STIM2: variants seen among roughly 807,000 people sequenced by gnomAD.
The protein encoded by STIM2 is stromal interaction molecule 2.
In STIM2, 31 loss-of-function variants were observed where a neutral mutation model predicts 85.8. The ratio of observed to expected loss-of-function variants is 0.36; its 90% CI spans 0.27 to 0.49. The LOEUF is 0.49. Ranked by LOEUF, STIM2 falls within the 20% of genes least tolerant of loss-of-function variation. STIM2 has a pLI of 0.98. For missense variants in STIM2, 841 were observed against 927.6 expected (o/e 0.91, Z 1.21); for synonymous variants, 356 against 331.1 (o/e 1.08, Z -0.82).
At chr4:27,005,474 C>T (rs1031072318) in intron 7 of STIM2, among the ~76,000 whole-genome samples, 2 of 152,140 alleles carry the variant, frequency 1.3e-5, no homozygotes, top group Non-Finnish European at 2.9e-5. Context: ...TTTGTGACAT[C>T]ATGTTTTTAC....
intron 8 of STIM2, chr4:27,008,007 G>T: frequency 1.4e-6 from 1 of 717,288 alleles, no homozygotes; most frequent in Non-Finnish European, 2.6e-6. Context: ...TCTGATTCAG[G>T]TTAGTAGTTA....
rs188532190 is a variant in STIM2, at chr4:26,953,409, A to G, written c.283-4203A>G. On this transcript the variant is annotated intron_variant, in intron 2 of 11. Coordinates refer to ENST00000467087, the MANE Select transcript of STIM2 (RefSeq NM_020860.4). Reference sequence around the variant, plus strand: ...TCTTTGTAACCTTATGTAGTAGACAATTTTATTTTCCTCATTCTACAGAAG... The same window carrying G: ...TCTTTGTAACCTTATGTAGTAGACAGTTTTATTTTCCTCATTCTACAGAAG... Among the ~76,000 whole-genome samples the G allele has an allele frequency of 5.2e-4, 79 of 152,228 alleles. No homozygotes were observed. The East Asian group carries it at 0.013, about 26-fold the overall frequency.
intron 1 of STIM2, among the ~76,000 whole-genome samples, chr4:26,863,660 C>G (rs1722298889): frequency 3.9e-5 from 6 of 152,048 alleles, no homozygotes; most frequent in Admixed American, 3.9e-4. Context: ...TTACAAAATA[C>G]TGTGGTGTGG....
chr4:26,881,025 A>G (rs1397897179), intron 1 of STIM2, among the ~76,000 whole-genome samples: 2 of 152,080 alleles, frequency 1.3e-5, no homozygotes, highest in Admixed American at 6.6e-5. Context: ...TAGTTGTGCT[A>G]TGTTCTGAAT....
intron 1 of STIM2, among the ~76,000 whole-genome samples, chr4:26,910,275 G>T (rs576165457): frequency 2.0e-5 from 3 of 151,962 alleles, no homozygotes. Flanking sequence ...TAATTCCAGC[G>T]CTTTGGGAGG....
intron 3 of STIM2, among the ~76,000 whole-genome samples, chr4:26,984,217 CAACT>C (rs1243570320): frequency 6.6e-6 from 1 of 152,144 alleles, no homozygotes; most frequent in Non-Finnish European, 1.5e-5. Context: ...AATTGAGTTC[CAACT>C]AACTATGTAC....
intron 1 of STIM2, among the ~76,000 whole-genome samples, chr4:26,893,545 C>T (rs962916793): frequency 2.0e-5 from 3 of 152,150 alleles, no homozygotes; most frequent in Non-Finnish European, 4.4e-5. Context: ...TGTAGTTTAT[C>T]CACTTTTCTT....
At chr4:26,951,015 A>G (rs957394547) in intron 2 of STIM2, among the ~76,000 whole-genome samples, 8 of 152,190 alleles carry the variant, frequency 5.3e-5, no homozygotes, top group Admixed American at 3.3e-4. Flanking sequence ...TAAATATCAG[A>G]TAGCTATATT....
intron 3 of STIM2, among the ~76,000 whole-genome samples, chr4:26,981,552 C>A (rs904733397): frequency 6.6e-6 from 1 of 151,940 alleles, no homozygotes; most frequent in African/African-American, 2.4e-5. Context: ...GTCTAGATAC[C>A]CTCCGCTCCC....
intron 2 of STIM2, among the ~76,000 whole-genome samples, chr4:26,921,385 A>G (rs1346426167): frequency 6.6e-6 from 1 of 152,206 alleles, no homozygotes. Flanking sequence ...TTATTATGGC[A>G]GTACTATAAT....
At chr4:26,987,982 GT>G (rs1240096694) in intron 3 of STIM2, among the ~76,000 whole-genome samples, 1 of 152,334 alleles carries the variant, frequency 6.6e-6, no homozygotes, top group African/African-American at 2.4e-5. Context: ...GTTATTCTGT[GT>G]GACCATGTGT....
At chr4:26,973,983 C>G (rs62302537) in intron 3 of STIM2, among the ~76,000 whole-genome samples, 1 of 152,064 alleles carries the variant, frequency 6.6e-6, no homozygotes, top group Non-Finnish European at 1.5e-5. Flanking sequence ...ATCCCTTTAC[C>G]ATTATGTAAC....
At chr4:26,937,139 GT>G in intron 2 of STIM2, among the ~76,000 whole-genome samples, 1 of 152,022 alleles carries the variant, frequency 6.6e-6, no homozygotes, top group South Asian at 2.1e-4. Flanking sequence ...ACTAATGACT[GT>G]TTTAGCCCCT....
intron 1 of STIM2, among the ~76,000 whole-genome samples, chr4:26,881,825 T>A (rs1300476631): frequency 6.6e-6 from 1 of 152,210 alleles, no homozygotes; most frequent in Non-Finnish European, 1.5e-5. Flanking sequence ...TAGTTTTCAG[T>A]TTTTCTTTAA....
intron 7 of STIM2, among the ~76,000 whole-genome samples, chr4:27,006,653 TATG>T (rs1310612812): frequency 5.3e-5 from 8 of 152,240 alleles, no homozygotes; most frequent in African/African-American, 1.9e-4. Flanking sequence ...AGGCTTTCCT[TATG>T]ATACTTTTTC....
At chr4:26,934,222 A>G (rs1475811134) in intron 2 of STIM2, among the ~76,000 whole-genome samples, 1 of 152,114 alleles carries the variant, frequency 6.6e-6, no homozygotes. Context: ...CCACAAAAAT[A>G]TAGATTAAAA....
chr4:27,012,870 G>A (rs1051381362), intron 10 of STIM2, among the ~76,000 whole-genome samples: 30 of 151,812 alleles, frequency 2.0e-4, no homozygotes, highest in Non-Finnish European at 7.4e-5. Context: ...GTTAATCAGT[G>A]GATATTAAAT....
intron 2 of STIM2, among the ~76,000 whole-genome samples, chr4:26,951,024 T>C (rs761807154): frequency 2.6e-5 from 4 of 152,182 alleles, no homozygotes; most frequent in East Asian, 1.9e-4. Context: ...GATAGCTATA[T>C]TGTAAGCTTT....
intron 1 of STIM2, among the ~76,000 whole-genome samples, chr4:26,890,308 ACTT>A (rs1723416424): frequency 6.6e-6 from 1 of 152,122 alleles, no homozygotes; most frequent in African/African-American, 2.4e-5. Flanking sequence ...CATTTGTACA[ACTT>A]CTTCATATAA....
Sources: gnomAD v4.1 joint callset for allele counts (sites outside exome capture counted in the v4.1 genomes callset) on GRCh38, gnomAD v4.1.1 for gene constraint, MANE v1.5 for transcripts, NCBI Gene and HGNC (gene_info 2026-07-23, HGNC 2026-07-21) for gene names.